The following CECR2 variants were observed in gnomAD, a reference collection of about 807,000 sequenced individuals.
CECR2 encodes chromatin remodeling regulator CECR2.
In CECR2, 30 loss-of-function variants were observed where a neutral mutation model predicts 154.5. That is an observed-to-expected ratio of 0.19 (90% CI 0.15 to 0.26). The LOEUF (loss-of-function observed/expected upper bound fraction) is 0.26. CECR2 is among the 10% of genes least tolerant of loss of function. The pLI, the probability that CECR2 is intolerant of heterozygous loss-of-function variation, is 1.00. For missense variants in CECR2, 1,743 were observed against 1,829.3 expected (o/e 0.95, Z 0.86); for synonymous variants, 725 against 683.7 (o/e 1.06, Z -0.94).
At chr22:17,478,855 G>A (rs921517680) in intron 2 of CECR2, among the ~76,000 whole-genome samples, 1 of 152,068 alleles carries the variant, frequency 6.6e-6, no homozygotes, top group Non-Finnish European at 1.5e-5. Flanking sequence ...AGAATACCCA[G>A]GTTGTATTTG....
intron 2 of CECR2, among the ~76,000 whole-genome samples, chr22:17,480,656 T>C (rs2055293954): frequency 6.6e-6 from 1 of 152,214 alleles, no homozygotes; most frequent in South Asian, 2.1e-4. Context: ...AGTTCTACTT[T>C]GATCTCATTC....
At chr22:17,442,942 G>T (rs566899429) in intron 1 of CECR2, among the ~76,000 whole-genome samples, 123 of 152,262 alleles carry the variant, frequency 8.1e-4, no homozygotes, top group African/African-American at 2.8e-3. Context: ...ATGGCATTTT[G>T]CATTTGCAGT....
intron 1 of CECR2, among the ~76,000 whole-genome samples, chr22:17,376,922 C>T (rs980027493): frequency 2.0e-5 from 3 of 152,158 alleles, no homozygotes; most frequent in Non-Finnish European, 4.4e-5. Flanking sequence ...AGGCATGAGC[C>T]ACCGCTCCCA....
chr22:17,363,448 T>C (rs1354017873), intron 1 of CECR2, among the ~76,000 whole-genome samples: 1 of 152,120 alleles, frequency 6.6e-6, no homozygotes, highest in East Asian at 1.9e-4. Flanking sequence ...GACCTTATGA[T>C]CCGCCTGCCT....
intron 1 of CECR2, among the ~76,000 whole-genome samples, chr22:17,427,528 C>T (rs117743233): frequency 0.023 from 3,566 of 151,992 alleles, 51 homozygotes; most frequent in South Asian, 0.028. Flanking sequence ...TTGTTCCTTC[C>T]GGTGGGTTTG....
intron 17 of CECR2, chr22:17,550,281 G>A (rs2146149987): frequency 5.4e-6 from 1 of 184,570 alleles, no homozygotes; most frequent in South Asian, 1.0e-4. Context: ...CCAAGTAGCT[G>A]GGATTACAGG....
upstream of CECR2, among the ~76,000 whole-genome samples, chr22:17,366,479 C>T (rs2063002504): frequency 6.6e-6 from 1 of 152,088 alleles, no homozygotes; most frequent in African/African-American, 2.4e-5. Context: ...CACCTACCGC[C>T]CCGGCAAACT....
In CECR2 at chr22:17,548,476, T is replaced by C. The variant is rs182143214; in HGVS notation, c.3189T>C (p.Pro1063=). The C allele has an allele frequency of 5.0e-4, 814 of 1,613,858 alleles. No individual in the cohort carries two copies. The African/African-American group carries it at 9.5e-3, about 19-fold the overall frequency. ...SENGVIGEAS[P]CGSEGKGLGS... ...ACGGAGTCATTGGGGAAGCATCTCC[T>C]TGTGGATCGGAGGGGAAGGGCCTTG... The change falls in exon 17 of 19, where the codon CCT becomes CCC. Residue 1063 remains proline (P), a synonymous_variant. Transcript: ENST00000262608.
intron 8 of CECR2, among the ~76,000 whole-genome samples, chr22:17,516,008 G>C (rs174296): frequency 0.02 from 2,989 of 152,184 alleles, 59 homozygotes; most frequent in Non-Finnish European, 0.026. Flanking sequence ...TTTGGGGGGC[G>C]TAAGTCAAAT....
chr22:17,521,292 G>A (rs1344191822), intron 8 of CECR2, among the ~76,000 whole-genome samples: 3 of 152,164 alleles, frequency 2.0e-5, no homozygotes, highest in Admixed American at 6.5e-5. Flanking sequence ...TGTAATCCCA[G>A]CACTTTGGGA....
At chr22:17,399,566 C>T (rs553471041) in intron 1 of CECR2, among the ~76,000 whole-genome samples, 27 of 151,990 alleles carry the variant, frequency 1.8e-4, no homozygotes, top group African/African-American at 5.1e-4. Flanking sequence ...TACAGGCACG[C>T]GCCACCATGC....
At chr22:17,514,332 A>G (rs1477339335) in intron 8 of CECR2, among the ~76,000 whole-genome samples, 4 of 152,336 alleles carry the variant, frequency 2.6e-5, no homozygotes, top group East Asian at 3.9e-4. Flanking sequence ...ACCTGCCCTC[A>G]GAGAGGGGAG....
intron 1 of CECR2, chr22:17,424,414 C>T (rs2054300739): frequency 1.6e-5 from 3 of 189,466 alleles, no homozygotes; most frequent in African/African-American, 4.7e-5. Flanking sequence ...ACCTTGAGTT[C>T]AGGGAGACAT....
intron 1 of CECR2, among the ~76,000 whole-genome samples, chr22:17,446,673 G>A (rs1265206654): frequency 1.3e-5 from 2 of 152,110 alleles, no homozygotes; most frequent in African/African-American, 2.4e-5. Flanking sequence ...CTGAGATCCT[G>A]CCACTGCACT....
At chr22:17,432,841 C>A (rs5746378) in intron 1 of CECR2, among the ~76,000 whole-genome samples, 2 of 152,186 alleles carry the variant, frequency 1.3e-5, no homozygotes, top group South Asian at 4.1e-4. Context: ...GATCCTCCCA[C>A]CTCACCCTGT....
chr22:17,533,404 C>T (rs116611010), intron 9 of CECR2, among the ~76,000 whole-genome samples: 1,653 of 151,102 alleles, frequency 0.011, 20 homozygotes, highest in African/African-American at 0.038. Context: ...CCGAGGTGGA[C>T]GGATCACTTG....
At chr22:17,505,727 A>G (rs1018624134) in intron 7 of CECR2, among the ~76,000 whole-genome samples, 2 of 150,526 alleles carry the variant, frequency 1.3e-5, no homozygotes, top group Admixed American at 1.3e-4. Context: ...TAGTAGAGAC[A>G]GGGTTTCACC....
At chr22:17,471,934 C>T (rs561104608) in intron 1 of CECR2, among the ~76,000 whole-genome samples, 3 of 152,228 alleles carry the variant, frequency 2.0e-5, no homozygotes, top group African/African-American at 7.2e-5. Context: ...TCAGAAAACC[C>T]TATTCTAGAT....
intron 3 of CECR2, among the ~76,000 whole-genome samples, chr22:17,498,332 A>C (rs977655175): frequency 4.1e-4 from 62 of 152,000 alleles, no homozygotes; most frequent in African/African-American, 1.3e-3. Context: ...CGGAGCTTGC[A>C]GTGAGCCGAG....
Sources: allele counts gnomAD v4.1 joint callset (sites outside exome capture counted in the v4.1 genomes callset), GRCh38; gene constraint gnomAD v4.1.1; transcripts MANE v1.5; gene names NCBI Gene and HGNC (gene_info 2026-07-23, HGNC 2026-07-21).